The following TXNRD3 variants were observed in gnomAD, a reference collection of about 807,000 sequenced individuals.
TXNRD3 encodes TXNRD3 neighbor gene protein.
TXNRD3 carries 68 observed loss-of-function variants against 78.2 expected under a neutral mutation model. That is an observed-to-expected ratio of 0.87 (90% CI 0.72 to 1.06). The LOEUF (loss-of-function observed/expected upper bound fraction) is 1.06. Among genes scored for constraint, TXNRD3 ranks in the 50% least tolerant of loss-of-function variants. The pLI, the probability that TXNRD3 is intolerant of heterozygous loss-of-function variation, is 0.00. For synonymous variants in TXNRD3, 296 were observed against 300.1 expected, an observed-to-expected ratio of 0.99 and a Z score of 0.14; for missense variants, 751 against 809.5, an observed-to-expected ratio of 0.93 and a Z score of 0.88.
intron 1 of TXNRD3, among the ~76,000 whole-genome samples, chr3:126,649,197 T>G (rs894692018): frequency 1.3e-5 from 2 of 152,238 alleles, no homozygotes; most frequent in African/African-American, 4.8e-5. Context: ...GAATATAGAT[T>G]TCTTCAAATA....
intron 6 of TXNRD3, among the ~76,000 whole-genome samples, chr3:126,635,326 A>G (rs1938830880): frequency 6.6e-6 from 1 of 152,178 alleles, no homozygotes; most frequent in African/African-American, 2.4e-5. Flanking sequence ...GTGGACCTAT[A>G]CAAATCCTAG....
intron 6 of TXNRD3, among the ~76,000 whole-genome samples, chr3:126,640,084 C>A: frequency 8.9e-6 from 1 of 111,824 alleles, no homozygotes; most frequent in Non-Finnish European, 1.9e-5. Flanking sequence ...ACCAAAGCTG[C>A]TTGTGTTTTC....
In TXNRD3 at chr3:126,644,349, T is replaced by A. The variant is rs979346403; in HGVS notation, c.467A>T (p.Asp156Val). 6.5e-7 allele frequency: 1 copy of A among 1,536,454 alleles called. No individual in the cohort carries two copies. The highest frequency in any genetic ancestry group is 1.7e-4 in the Middle Eastern group (1 of 5,992). Residue 156 changes from aspartate to valine, a missense_variant, in exon 4 of 16, where the codon GAT becomes GTT. Coordinates refer to ENST00000524230, the MANE Select transcript of TXNRD3 (RefSeq NM_052883.3). ...ACCACCGATGATGATGAGATCATAA[T>A]CATATGCCAAATCTTCCTGAAGGAG...
At chr3:126,629,173 G>A (rs950909732) in intron 10 of TXNRD3, among the ~76,000 whole-genome samples, 6 of 151,992 alleles carry the variant, frequency 3.9e-5, no homozygotes, top group South Asian at 4.2e-4. Context: ...ACATACAGTC[G>A]CATACACACA....
intron 7 of TXNRD3, among the ~76,000 whole-genome samples, chr3:126,632,861 G>A (rs1028614218): frequency 3.4e-4 from 52 of 152,086 alleles, no homozygotes; most frequent in African/African-American, 1.2e-3. Context: ...GGGGTGAAAC[G>A]GAGACTCTGG....
rs557425629 is a variant in TXNRD3 at position 126,655,119 on chromosome 3, A to T, written c.-129T>A. 1.5e-4 allele frequency: 198 copies of T among 1,290,958 alleles called. No individual in the cohort carries two copies. The East Asian group carries it at 6.3e-3, about 41-fold the overall frequency. 80.0% of individuals were successfully genotyped at this position (1,290,958 alleles called of 1,614,324 possible). A position where few individuals can be genotyped will look rare whatever the true frequency, so the allele number is the denominator to read the frequency against. On this transcript the variant is annotated 5_prime_UTR_variant, in exon 1 of 16. Coordinates refer to ENST00000524230, the MANE Select transcript of TXNRD3 (RefSeq NM_052883.3). ...CTGGCCACTCTCACCACCCGCGCGAATCCGCGAGGCAGCCGCTCGCCCCGC... is the reference window on the plus strand; with the variant it reads ...CTGGCCACTCTCACCACCCGCGCGATTCCGCGAGGCAGCCGCTCGCCCCGC...
At chr3:126,651,754 G>T (rs1350580759) in intron 1 of TXNRD3, among the ~76,000 whole-genome samples, 2 of 152,142 alleles carry the variant, frequency 1.3e-5, no homozygotes, top group Admixed American at 6.5e-5. Flanking sequence ...TCCAAAAAAG[G>T]AAACAGGAAC....
chr3:126,637,414 A>G (rs1255895880), intron 6 of TXNRD3, among the ~76,000 whole-genome samples: 2 of 152,058 alleles, frequency 1.3e-5, no homozygotes, highest in Non-Finnish European at 2.9e-5. Context: ...TTGGGAAGGG[A>G]GCTAACATTA....
intron 10 of TXNRD3, among the ~76,000 whole-genome samples, chr3:126,628,468 T>C (rs11914339): frequency 0.034 from 5,169 of 152,186 alleles, 293 homozygotes; most frequent in African/African-American, 0.12. Context: ...AGTAAGAGTT[T>C]AGCAAGATTA....
chr3:126,642,803 G>A (rs922914051), intron 5 of TXNRD3, among the ~76,000 whole-genome samples: 1 of 152,168 alleles, frequency 6.6e-6, no homozygotes, highest in African/African-American at 2.4e-5. Flanking sequence ...TAAAATTCTA[G>A]GCTATAACTT....
intron 1 of TXNRD3, among the ~76,000 whole-genome samples, chr3:126,653,540 A>C (rs1433399302): frequency 6.6e-6 from 1 of 152,252 alleles, no homozygotes; most frequent in East Asian, 1.9e-4. Context: ...AATGGCAAAA[A>C]TTAAAAATAT....
rs182119245 is a variant in TXNRD3 at position 126,622,351 on chromosome 3, C to T, written c.1367+113G>A. 1.7e-5 allele frequency: 12 copies of T among 719,806 alleles called. No homozygotes were observed. In the Admixed American group the frequency reaches 2.8e-4, roughly 17 times the overall value. The allele number at this position is 719,806 out of a possible 1,614,324, so 44.6% of individuals were successfully genotyped here. A position where few individuals can be genotyped will look rare whatever the true frequency, so the allele number is the denominator to read the frequency against. On this transcript the variant is annotated intron_variant, in intron 11 of 15. Transcript: ENST00000524230. ...TTGATTATAAAGAGCTGGCACTGAACTTATAAGATAAATTAAGACATATCT... is the reference window on the plus strand; with the variant it reads ...TTGATTATAAAGAGCTGGCACTGAATTTATAAGATAAATTAAGACATATCT...
intron 6 of TXNRD3, among the ~76,000 whole-genome samples, chr3:126,637,267 T>A (rs577142880): frequency 6.6e-6 from 1 of 152,298 alleles, no homozygotes; most frequent in Admixed American, 6.5e-5. Context: ...CCATCTGTAG[T>A]TATACTTCTT....
intron 10 of TXNRD3, among the ~76,000 whole-genome samples, chr3:126,627,748 T>C (rs1474251094): frequency 6.6e-6 from 1 of 152,118 alleles, no homozygotes; most frequent in Non-Finnish European, 1.5e-5. Flanking sequence ...CCATAGAAAA[T>C]TATAGGTATA....
intron 7 of TXNRD3, among the ~76,000 whole-genome samples, chr3:126,633,401 A>C (rs994409499): frequency 5.3e-5 from 8 of 152,234 alleles, no homozygotes; most frequent in African/African-American, 1.7e-4. Context: ...TCTGATTGTC[A>C]TAATTCCAAT....
chr3:126,631,161 A>G (rs559327827), intron 8 of TXNRD3, among the ~76,000 whole-genome samples: 12 of 152,070 alleles, frequency 7.9e-5, no homozygotes, highest in African/African-American at 2.9e-4. Flanking sequence ...TTTTTTAAAA[A>G]ATAAAATAGT....
chr3:126,637,901 T>C (rs955009625), intron 6 of TXNRD3, among the ~76,000 whole-genome samples: 2 of 149,962 alleles, frequency 1.3e-5, no homozygotes, highest in Admixed American at 1.3e-4. Flanking sequence ...ATCTATACAT[T>C]ATAAACTTAT....
At chr3:126,639,892 C>T (rs1194810705) in intron 6 of TXNRD3, among the ~76,000 whole-genome samples, 2 of 152,054 alleles carry the variant, frequency 1.3e-5, no homozygotes, top group Non-Finnish European at 2.9e-5. Flanking sequence ...CTACGCCCAA[C>T]CAGAAGAAGG....
In TXNRD3 at chr3:126,608,504, C is replaced by T. The variant is rs972873890; in HGVS notation, c.1858G>A (p.Gly620Arg). ...TAAAACCTCCTGTTTCCTACCTCCC[C>T]ACATGTGGGGTGAATTCCAATGGTG... Residue 620 changes from glycine (G) to arginine (R), a missense_variant, in exon 15 of 16, where the codon GGG becomes AGG. By Grantham distance (125) the Gly-to-Arg change is moderately radical. Coordinates refer to ENST00000524230, the MANE Select transcript of TXNRD3 (RefSeq NM_052883.3). The T allele has an allele frequency of 6.5e-7, 1 of 1,531,972 alleles. No individual in the cohort carries two copies. The highest frequency in any genetic ancestry group is 8.7e-7 in the Non-Finnish European group (1 of 1,145,478). The allele number at this position is 1,531,972 out of a possible 1,614,324, so 94.9% of individuals were successfully genotyped here.
Sources: allele counts gnomAD v4.1 joint callset (sites outside exome capture counted in the v4.1 genomes callset), GRCh38; gene constraint gnomAD v4.1.1; transcripts MANE v1.5; gene names NCBI Gene and HGNC (gene_info 2026-07-23, HGNC 2026-07-21).